The following NFATC1 variants were observed in gnomAD, a reference collection of about 807,000 sequenced individuals.
NFATC1 encodes nuclear factor of activated T-cells, cytoplasmic 1.
Under a neutral mutation model 76.0 loss-of-function variants are expected in NFATC1, and 22 were observed. That is an observed-to-expected ratio of 0.29 (90% CI 0.21 to 0.41). The LOEUF (loss-of-function observed/expected upper bound fraction) is 0.41, where lower values mean the gene tolerates loss of function less well. Ranked by LOEUF, NFATC1 falls within the 10% of genes least tolerant of loss-of-function variation. The probability of loss-of-function intolerance (pLI) is 1.00; values close to 1 mark genes in which losing one functional copy is unlikely to be tolerated. For synonymous variants in NFATC1, 704 were observed against 613.1 expected, an observed-to-expected ratio of 1.15 and a Z score of -2.19; for missense variants, 1,357 against 1,337.7, an observed-to-expected ratio of 1.01 and a Z score of -0.23.
At chr18:79,474,307 T>A (rs1287889859) in intron 8 of NFATC1, among the ~76,000 whole-genome samples, 1 of 144,652 alleles carries the variant, frequency 6.9e-6, no homozygotes, top group Non-Finnish European at 1.5e-5. Flanking sequence ...GTCGACATTG[T>A]AAACCTGAGG....
chr18:79,525,573 G>A (rs1418098087), intron 9 of NFATC1, among the ~76,000 whole-genome samples: 1 of 152,048 alleles, frequency 6.6e-6, no homozygotes, highest in Non-Finnish European at 1.5e-5. Context: ...TCCTGTCCCT[G>A]TCGCTGTTAC....
chr18:79,488,280 T>C (rs1463248186), intron 9 of NFATC1, among the ~76,000 whole-genome samples: 2 of 127,048 alleles, frequency 1.6e-5, no homozygotes, highest in Admixed American at 1.4e-4. Context: ...GTGTGTCCCA[T>C]GGAGCCCGCA....
intron 9 of NFATC1, among the ~76,000 whole-genome samples, chr18:79,516,407 G>C (rs905093075): frequency 1.3e-5 from 2 of 152,220 alleles, no homozygotes; most frequent in Non-Finnish European, 2.9e-5. Context: ...ATTTTCCACT[G>C]CTTTACAAAG....
intron 2 of NFATC1, among the ~76,000 whole-genome samples, chr18:79,426,586 C>T (rs1251878121): frequency 1.7e-5 from 2 of 115,002 alleles, no homozygotes; most frequent in Non-Finnish European, 1.8e-5. Flanking sequence ...GTGTCCACCT[C>T]CATGGGAGCA....
At chr18:79,400,609 T>G in intron 1 of NFATC1, 1 of 763,188 alleles carries the variant, frequency 1.3e-6, no homozygotes, top group Non-Finnish European at 1.8e-6. Context: ...ACCGAGGGGC[T>G]ACGGCGGGGG....
chr18:79,502,575 A>G (rs1259368255), intron 9 of NFATC1, among the ~76,000 whole-genome samples: 1 of 152,250 alleles, frequency 6.6e-6, no homozygotes, highest in Non-Finnish European at 1.5e-5. Context: ...CAAAACAACT[A>G]TCTGATAAAG....
At chr18:79,396,378 G>T in intron 1 of NFATC1, 27 bp downstream of exon 1, 1 of 1,244,900 alleles carries the variant, frequency 8.0e-7, no homozygotes, top group East Asian at 3.8e-5. Flanking sequence ...CTCCGCCCCC[G>T]GACCCCTGCG....
intron 9 of NFATC1, chr18:79,496,922 G>A (rs1035199773): frequency 6.6e-6 from 1 of 152,234 alleles, no homozygotes; most frequent in Non-Finnish European, 1.5e-5. Flanking sequence ...CTTGCTCCAA[G>A]TCAGTCAATG....
chr18:79,442,683 C>T (rs915971438), intron 3 of NFATC1, among the ~76,000 whole-genome samples: 5 of 152,294 alleles, frequency 3.3e-5, no homozygotes, highest in African/African-American at 9.6e-5. Flanking sequence ...GTTGGCGCCA[C>T]GTGCTCACGC....
At chr18:79,402,349 T>A in intron 1 of NFATC1, 1 of 985,450 alleles carries the variant, frequency 1.0e-6, no homozygotes, top group South Asian at 4.7e-5. Flanking sequence ...GGGTCTCTCC[T>A]GACCCAGAAG....
At chr18:79,475,768 G>A (rs957717911) in intron 8 of NFATC1, among the ~76,000 whole-genome samples, 1 of 152,250 alleles carries the variant, frequency 6.6e-6, no homozygotes, top group Non-Finnish European at 1.5e-5. Flanking sequence ...AGGGAGGTCC[G>A]AGATGTGCTC....
rs1477772889 is a variant in NFATC1 at position 79,422,246 on chromosome 18, T to G, written c.1226+10745T>G. On this transcript the variant is annotated intron_variant, in intron 2 of 9. Coordinates refer to ENST00000427363, the MANE Select transcript of NFATC1 (RefSeq NM_001278669.2). The stretch of plus-strand genomic sequence containing the variant: ...CTGTGCCCCACCCCACATTAACTTG[T>G]GCAATATGACATTTCTGGTTTTGGT... 2.6e-5 allele frequency: 4 copies of G among 152,250 alleles called. No individual in the cohort carries two copies. The South Asian group carries it at 8.3e-4, about 32-fold the overall frequency. The allele number at this position is 152,250 out of a possible 1,614,324, so 9.4% of individuals were successfully genotyped here.
intron 3 of NFATC1, among the ~76,000 whole-genome samples, chr18:79,436,009 AAG>A (rs1014685924): frequency 6.6e-6 from 1 of 152,204 alleles, no homozygotes; most frequent in African/African-American, 2.4e-5. Context: ...AGCAGCTAAA[AAG>A]AGGGGGTTTT....
intron 1 of NFATC1, among the ~76,000 whole-genome samples, chr18:79,408,191 G>T (rs1305555135): frequency 6.6e-6 from 1 of 152,120 alleles, no homozygotes; most frequent in African/African-American, 2.4e-5. Context: ...GATTTTTTTG[G>T]CATTTATCCG....
At chr18:79,417,945 C>T (rs1408569966) in intron 2 of NFATC1, among the ~76,000 whole-genome samples, 1 of 142,506 alleles carries the variant, frequency 7.0e-6, no homozygotes, top group African/African-American at 2.6e-5. Context: ...ATGGGCTATA[C>T]CAGGAGATGG....
At chr18:79,414,544 C>G (rs2085809768) in intron 2 of NFATC1, among the ~76,000 whole-genome samples, 1 of 152,184 alleles carries the variant, frequency 6.6e-6, no homozygotes, top group African/African-American at 2.4e-5. Context: ...TGAATTCTTG[C>G]TGCAATTGAA....
At chr18:79,492,657 T>C (rs920741709) in intron 9 of NFATC1, among the ~76,000 whole-genome samples, 7 of 150,378 alleles carry the variant, frequency 4.7e-5, no homozygotes, top group Admixed American at 1.3e-4. Context: ...TGCAGAGAGC[T>C]GAGATCGCGC....
chr18:79,450,326 A>C (rs1418545457), intron 4 of NFATC1, among the ~76,000 whole-genome samples: 1 of 151,916 alleles, frequency 6.6e-6, no homozygotes, highest in Non-Finnish European at 1.5e-5. Flanking sequence ...CATAGAAAAA[A>C]TGGGTTTTAC....
intron 9 of NFATC1, among the ~76,000 whole-genome samples, chr18:79,499,234 G>A (rs2089962670): frequency 6.6e-6 from 1 of 152,204 alleles, no homozygotes; most frequent in Non-Finnish European, 1.5e-5. Flanking sequence ...TTACAGCAAA[G>A]CAAAGTCTTT....
Sources: allele counts gnomAD v4.1 joint callset (sites outside exome capture counted in the v4.1 genomes callset), GRCh38; gene constraint gnomAD v4.1.1; transcripts MANE v1.5; gene names NCBI Gene and HGNC (gene_info 2026-07-23, HGNC 2026-07-21).